FN1: variants seen among roughly 807,000 people sequenced by gnomAD.
The protein encoded by FN1 is fibronectin.
In FN1, 106 loss-of-function variants were observed where a neutral mutation model predicts 297.3. The ratio of observed to expected loss-of-function variants is 0.36; its 90% CI spans 0.30 to 0.42. FN1 has a LOEUF of 0.42. Ranked by LOEUF, FN1 falls within the 10% of genes least tolerant of loss-of-function variation. The pLI is 1.00. For synonymous variants in FN1, 1,149 were observed against 1,152.6 expected, an observed-to-expected ratio of 1.00 and a Z score of 0.06; for missense variants, 2,690 against 3,124.9, an observed-to-expected ratio of 0.86 and a Z score of 3.32.
At chr2:215,409,366 G>A (rs1418460979) in intron 15 of FN1, among the ~76,000 whole-genome samples, 197 bp downstream of exon 15, 2 of 152,168 alleles carry the variant, frequency 1.3e-5, no homozygotes, top group Non-Finnish European at 2.9e-5. Flanking sequence ...ACATGTGACA[G>A]TGGCTTGGGA....
At chr2:215,399,823 A>G (rs1032214539) in intron 20 of FN1, among the ~76,000 whole-genome samples, 5 of 152,156 alleles carry the variant, frequency 3.3e-5, no homozygotes, top group Non-Finnish European at 7.3e-5. Flanking sequence ...GCCACCACAA[A>G]CTGATTATCA....
chr2:215,382,651 G>C (rs960288340), intron 31 of FN1, among the ~76,000 whole-genome samples: 2 of 152,092 alleles, frequency 1.3e-5, no homozygotes, highest in African/African-American at 4.8e-5. Flanking sequence ...AATTTCACAA[G>C]TATTCTATTT....
intron 30 of FN1, among the ~76,000 whole-genome samples, chr2:215,383,751 T>C (rs2058525229): frequency 6.6e-6 from 1 of 152,208 alleles, no homozygotes; most frequent in African/African-American, 2.4e-5. Flanking sequence ...CATCCATTCT[T>C]TTCCCACAAA....
intron 17 of FN1, 31 bp downstream of exon 17, chr2:215,408,077 T>C (rs766419981): frequency 1.9e-6 from 3 of 1,553,274 alleles, no homozygotes; most frequent in South Asian, 1.1e-5. Flanking sequence ...AAGATTAACA[T>C]AGCAGCCAAA....
chr2:215,378,118 T>A (rs2057643195), intron 35 of FN1, 57 bp downstream of exon 35: 1 of 1,052,634 alleles, frequency 9.5e-7, no homozygotes, highest in South Asian at 1.3e-5. Context: ...GATTTACCAT[T>A]CTTTAATTTT....
In FN1 at chr2:215,425,424, T is replaced by A. The variant is rs2577289; in HGVS notation, c.845-139A>T. ...ACTGGCCTGGGACTGGAAAAAAATG[T>A]CCCTTATTCAGCAGTAGCTTTTGCA... is the stretch of plus-strand genomic sequence containing the variant. On this transcript the variant is annotated intron_variant, in intron 6 of 45. Transcript: ENST00000354785. The A allele has an allele frequency of 0.29, 240,404 of 832,326 alleles. 46,068 individuals carry two copies. Among genetic ancestry groups the A allele is most frequent in the East Asian group, 0.94 (35,741 of 38,222 alleles). The allele number at this position is 832,326 out of a possible 1,614,324, so 51.6% of individuals were successfully genotyped here.
intron 23 of FN1, among the ~76,000 whole-genome samples, 182 bp downstream of exon 23, chr2:215,396,955 A>G (rs895707481): frequency 6.6e-6 from 1 of 152,222 alleles, no homozygotes; most frequent in Admixed American, 6.5e-5. Flanking sequence ...ATTGAAGTCA[A>G]CGTGCATTAA....
chr2:215,417,317 T>C (rs1004856878), intron 12 of FN1, among the ~76,000 whole-genome samples: 8 of 152,304 alleles, frequency 5.3e-5, no homozygotes, highest in African/African-American at 1.2e-4. Flanking sequence ...AAAAAGGAGA[T>C]AGTACAATGT....
intron 20 of FN1, among the ~76,000 whole-genome samples, chr2:215,400,684 G>A (rs952919692): frequency 2.8e-5 from 4 of 141,986 alleles, no homozygotes; most frequent in Admixed American, 7.4e-5. Context: ...CCTGGGAGAT[G>A]GAGGTTTCAG....
chr2:215,435,343 T>C (rs2067275170), intron 1 of FN1, among the ~76,000 whole-genome samples: 1 of 152,222 alleles, frequency 6.6e-6, no homozygotes, highest in Non-Finnish European at 1.5e-5. Flanking sequence ...GGAAAATTTA[T>C]AGACATGCAT....
At chr2:215,410,799 G>A (rs914263910) in intron 13 of FN1, among the ~76,000 whole-genome samples, 1 of 152,136 alleles carries the variant, frequency 6.6e-6, no homozygotes, top group African/African-American at 2.4e-5. Flanking sequence ...GAGCCACCAC[G>A]CCCACCCACA....
intron 31 of FN1, 46 bp from the exon 32 acceptor site, chr2:215,382,371 A>C (rs781566499): frequency 3.2e-6 from 4 of 1,250,972 alleles, no homozygotes; most frequent in Non-Finnish European, 4.7e-6. Context: ...GTCATCCACT[A>C]TAAAGTCCTC....
In FN1 at chr2:215,420,785, A is replaced by T. The variant is rs1575751528; in HGVS notation, c.1563T>A (p.Asp521Glu). 1 of 1,614,086 alleles carries T rather than the reference A, an allele frequency of 6.2e-7. No homozygotes were observed. The highest frequency in any genetic ancestry group is 1.6e-4 in the Middle Eastern group (1 of 6,062). The part of the protein sequence containing the change: ...YSQLRDQCIV[D>E]DITYNVNDTF... The stretch of plus-strand genomic sequence containing the variant: ...TGTCGTTCACATTGTAAGTGATGTC[A>T]TCAACAATGCACTGATCTGTTTAGG... The change falls in exon 11 of 46, where the codon GAT becomes GAA. Residue 521 changes from aspartate (D) to glutamate (E), a missense_variant. Asp to Glu is a conservative substitution (Grantham distance 45, BLOSUM62 2). Coordinates refer to ENST00000354785, the MANE Select transcript of FN1 (RefSeq NM_212482.4).
chr2:215,390,159 G>A (rs1161900765), intron 26 of FN1, among the ~76,000 whole-genome samples: 1 of 151,926 alleles, frequency 6.6e-6, no homozygotes, highest in Non-Finnish European at 1.5e-5. Flanking sequence ...TTAACTGCTG[G>A]GGACCTCGAC....
intron 44 of FN1, chr2:215,363,734 A>G (rs1345683573): frequency 6.6e-6 from 1 of 151,186 alleles, no homozygotes; most frequent in African/African-American, 2.4e-5. Flanking sequence ...CTTCGTTGAA[A>G]ACAAAGGGCT....
At chr2:215,362,414 T>TG in intron 44 of FN1, 2 of 319,212 alleles carry the variant, frequency 6.3e-6, no homozygotes, top group South Asian at 6.2e-5. Context: ...AGAAAAGGTT[T>TG]TCAAAGAATC....
In FN1 at chr2:215,394,605, C is replaced by T. The variant is rs761477227; in HGVS notation, c.3719G>A (p.Gly1240Asp). 6.2e-7 allele frequency: 1 copy of T among 1,614,112 alleles called. No individual in the cohort carries two copies. Among genetic ancestry groups the T allele is most frequent in the Non-Finnish European group, 8.5e-7 (1 of 1,179,994 alleles). ...SSCTFDNLSP[G>D]LEYNVSVYTV... ...GTAAACACTGACATTGTACTCCAGG[C>T]CGGGACTCAGGTTATCAAAAGTGCA... Residue 1240 changes from glycine (G) to aspartate (D), a missense_variant, in exon 24 of 46, where the codon GGC (glycine) becomes GAC (aspartate). By Grantham distance (94) the Gly-to-Asp change is moderately conservative. Transcript: ENST00000354785.
chr2:215,420,929 T>G, intron 10 of FN1, 128 bp from the exon 11 acceptor site: 1 of 925,860 alleles, frequency 1.1e-6, no homozygotes. Context: ...AAAATAACTT[T>G]TCTACAAGCA....
At chr2:215,428,856 C>A (rs2065958002) in intron 5 of FN1, among the ~76,000 whole-genome samples, 1 of 151,786 alleles carries the variant, frequency 6.6e-6, no homozygotes, top group Non-Finnish European at 1.5e-5. Flanking sequence ...ACTAAAAATA[C>A]CAAAAAAAAT....
Sources: gnomAD v4.1 joint callset for allele counts (sites outside exome capture counted in the v4.1 genomes callset) on GRCh38, gnomAD v4.1.1 for gene constraint, MANE v1.5 for transcripts, NCBI Gene and HGNC (gene_info 2026-07-23, HGNC 2026-07-21) for gene names.